The following EIF4E1B variants were observed in gnomAD, a reference collection of about 807,000 sequenced individuals.
The protein encoded by EIF4E1B is eukaryotic translation initiation factor 4E type 1B.
EIF4E1B carries 22 observed loss-of-function variants against 31.3 expected under a neutral mutation model. The ratio of observed to expected loss-of-function variants is 0.70; its 90% CI spans 0.50 to 1.00. The LOEUF (loss-of-function observed/expected upper bound fraction) is 1.00. EIF4E1B is among the 50% of genes least tolerant of loss of function. The pLI, the probability that EIF4E1B is intolerant of heterozygous loss-of-function variation, is 0.00. For synonymous variants in EIF4E1B, 126 were observed against 120.2 expected, an observed-to-expected ratio of 1.05 and a Z score of -0.31; for missense variants, 290 against 311.6, an observed-to-expected ratio of 0.93 and a Z score of 0.52.
chr5:176,633,281 G>T (rs1357263884), intron 1 of EIF4E1B, among the ~76,000 whole-genome samples: 1 of 152,204 alleles, frequency 6.6e-6, no homozygotes, highest in East Asian at 1.9e-4. Context: ...CCAGGCTGGA[G>T]TGCAGTGGCA....
chr5:176,633,354 C>T (rs1158707985), intron 1 of EIF4E1B, among the ~76,000 whole-genome samples: 1 of 152,150 alleles, frequency 6.6e-6, no homozygotes. Context: ...TCATCTCAGC[C>T]CTTTCAGTAG....
At chr5:176,642,575 GCCCCACGGCCA>G in intron 2 of EIF4E1B, 124 bp from the exon 3 acceptor site, 1 of 654,528 alleles carries the variant, frequency 1.5e-6, no homozygotes, top group South Asian at 2.3e-5. Context: ...GTGCCAGAAG[GCCCCACGGCCA>G]TGTCAGTGTC....
At chr5:176,643,459 C>T (rs1219103028) in intron 4 of EIF4E1B, among the ~76,000 whole-genome samples, 180 bp from the exon 5 acceptor site, 1 of 152,220 alleles carries the variant, frequency 6.6e-6, no homozygotes, top group African/African-American at 2.4e-5. Flanking sequence ...TCAAACACCC[C>T]CACTCCTCCC....
intron 1 of EIF4E1B, among the ~76,000 whole-genome samples, chr5:176,635,693 C>A (rs1490318941): frequency 6.6e-6 from 1 of 152,250 alleles, no homozygotes. Flanking sequence ...ATTCTTAGTA[C>A]ATGCATTTCA....
rs191105600 is a variant in EIF4E1B at position 176,641,221 on chromosome 5, C to T, written c.-201-822C>T. Reference sequence around the variant, plus strand: ...GTGCATGCCTGTAGTCCCAGCTACTCGGGAGGCTGAGGTGGGGGAATCACC... The same window carrying T: ...GTGCATGCCTGTAGTCCCAGCTACTTGGGAGGCTGAGGTGGGGGAATCACC... On this transcript the variant is annotated intron_variant, in intron 1 of 8. Transcript: ENST00000318682. Among the ~76,000 whole-genome samples the T allele has an allele frequency of 2.2e-3, 328 of 152,216 alleles. 2 individuals carry two copies. The highest frequency in any genetic ancestry group is 3.9e-3 in the Admixed American group (60 of 15,292).
rs559498564 is a variant in EIF4E1B at position 176,644,600 on chromosome 5, C to G, written c.360+161C>G. ...CTGGAGGAAATGCTCTACAGGAGCC[C>G]GGACAGAGTAGGTCAGGCCCAAGCC... On this transcript the variant is annotated intron_variant, in intron 6 of 8. Coordinates refer to ENST00000318682, the MANE Select transcript of EIF4E1B (RefSeq NM_001099408.2). 563 of 812,428 alleles carry G rather than the reference C, an allele frequency of 6.9e-4. 1 individual carries two copies. Among genetic ancestry groups the G allele is most frequent in the Non-Finnish European group, 9.5e-4 (508 of 532,558 alleles). The allele number at this position is 812,428 out of a possible 1,614,324, so 50.3% of individuals were successfully genotyped here.
At chr5:176,640,568 G>A (rs1310206349) in intron 1 of EIF4E1B, among the ~76,000 whole-genome samples, 2 of 152,044 alleles carry the variant, frequency 1.3e-5, no homozygotes, top group African/African-American at 4.8e-5. Flanking sequence ...CATCTTCTCT[G>A]CCGCCCCCTC....
intron 1 of EIF4E1B, among the ~76,000 whole-genome samples, chr5:176,639,148 ATCCCCCCGAGGAACCTGG>A (rs777020846): frequency 3.3e-5 from 5 of 152,174 alleles, no homozygotes; most frequent in Non-Finnish European, 7.4e-5. Context: ...ATTTTAAATG[ATCCCCCCGAGGAACCTGG>A]AGAACTTTCT....
intron 1 of EIF4E1B, among the ~76,000 whole-genome samples, chr5:176,635,788 T>C (rs550249672): frequency 1.3e-5 from 2 of 152,278 alleles, no homozygotes; most frequent in South Asian, 4.1e-4. Context: ...GTAAAAAGAA[T>C]ATCTGCCAGT....
In EIF4E1B at chr5:176,644,405, A is replaced by G. The variant is rs759570203; in HGVS notation, c.326A>G (p.Lys109Arg). 1.3e-6 allele frequency: 2 copies of G among 1,596,120 alleles called. No homozygotes were observed. Among genetic ancestry groups the G allele is most frequent in the East Asian group, 4.5e-5 (2 of 44,132 alleles). ...ALYSHIQLAS[K>R]LSSGCDYALF... Reference sequence around the variant, plus strand: ...TACAGTCACATCCAGCTGGCCAGCAAGCTCTCCTCTGGCTGTGACTACGCC... The same window carrying G: ...TACAGTCACATCCAGCTGGCCAGCAGGCTCTCCTCTGGCTGTGACTACGCC... The change falls in exon 6 of 9, where the codon AAG becomes AGG. Residue 109 changes from lysine to arginine, a missense_variant. Transcript: ENST00000318682.
chr5:176,634,157 G>A (rs752982790), intron 1 of EIF4E1B, among the ~76,000 whole-genome samples: 9 of 151,850 alleles, frequency 5.9e-5, no homozygotes, highest in South Asian at 2.1e-4. Flanking sequence ...GCTTGGTGGG[G>A]GGATGATGAT....
Position 176,645,275 on chromosome 5 carries a change from G to C in EIF4E1B, c.474+32G>C. On this transcript the variant is annotated intron_variant, in intron 7 of 8. Transcript: ENST00000318682. The surrounding 1 kb of genome is among the most constrained non-coding windows in gnomAD (Gnocchi z 5.4). ...TGGAGGAGGAGGGTCCTCAGGGGAA[G>C]AGACGGGCTGTGTGGGTCTCATGGT... 1 of 1,602,766 alleles carries C rather than the reference G, an allele frequency of 6.2e-7. No homozygotes were observed. Among genetic ancestry groups the C allele is most frequent in the Non-Finnish European group, 8.5e-7 (1 of 1,172,830 alleles).
intron 1 of EIF4E1B, among the ~76,000 whole-genome samples, chr5:176,639,944 G>A (rs1760548062): frequency 6.6e-6 from 1 of 152,074 alleles, no homozygotes; most frequent in African/African-American, 2.4e-5. Context: ...ACAAAATCTA[G>A]ATTCGTGAGC....
chr5:176,643,287 G>A, intron 4 of EIF4E1B, 21 bp downstream of exon 4: 3 of 1,608,762 alleles, frequency 1.9e-6, no homozygotes, highest in Non-Finnish European at 2.5e-6. Flanking sequence ...GCCTGCGAGT[G>A]GAACACAGCC....
rs765558809 is a variant in EIF4E1B, at chr5:176,643,724, G to C, written c.286G>C (p.Asp96His). The C allele has an allele frequency of 4.3e-6, 7 of 1,612,796 alleles. No homozygotes were observed. The highest frequency in any genetic ancestry group is 5.9e-6 in the Non-Finnish European group (7 of 1,179,440). The stretch of plus-strand genomic sequence containing the variant: ...GGTCACCAAGGTGGACACTGTGGAG[G>C]ACTTCTGGGCGTGAGTGTCTGTCCC... ...HLVTKVDTVE[D>H]FWALYSHIQL... Residue 96 changes from aspartate to histidine, a missense_variant, in exon 5 of 9, where the codon GAC becomes CAC. Asp to His is a moderately conservative substitution (Grantham distance 81). Coordinates refer to ENST00000318682, the MANE Select transcript of EIF4E1B (RefSeq NM_001099408.2).
Position 176,646,111 on chromosome 5 carries a change from A to G in EIF4E1B, c.*131A>G, listed in dbSNP as rs1188006896. 2 of 758,144 alleles carry G rather than the reference A, an allele frequency of 2.6e-6. No homozygotes were observed. Among genetic ancestry groups the G allele is most frequent in the African/African-American group, 1.8e-5 (1 of 56,570 alleles). 47.0% of individuals were successfully genotyped at this position (758,144 alleles called of 1,614,324 possible). ...TCCTCAAGTGAACAGGAATGCAAAC[A>G]CTCTTTAACATGAGTTGGGGCCTGA... On this transcript the variant is annotated 3_prime_UTR_variant, in exon 9 of 9. Coordinates refer to ENST00000318682, the MANE Select transcript of EIF4E1B (RefSeq NM_001099408.2).
rs1760704351 is a variant in EIF4E1B at position 176,646,132 on chromosome 5, C to T, written c.*152C>T. Reference sequence around the variant, plus strand: ...AAACACTCTTTAACATGAGTTGGGGCCTGAGCCTTAGGGGCTAGATGGGGG... The same window carrying T: ...AAACACTCTTTAACATGAGTTGGGGTCTGAGCCTTAGGGGCTAGATGGGGG... On this transcript the variant is annotated 3_prime_UTR_variant, in exon 9 of 9. Transcript: ENST00000318682. 4 of 685,076 alleles carry T rather than the reference C, an allele frequency of 5.8e-6. No individual in the cohort carries two copies. The South Asian group carries it at 7.7e-5, about 13-fold the overall frequency. The allele number at this position is 685,076 out of a possible 1,614,324, so 42.4% of individuals were successfully genotyped here.
chr5:176,644,002 CCT>C (rs1760645670), intron 5 of EIF4E1B: 3 of 563,746 alleles, frequency 5.3e-6, no homozygotes, highest in Non-Finnish European at 9.4e-6. Context: ...AGTTCCTTCC[CCT>C]CTCTGAACCT....
intron 1 of EIF4E1B, among the ~76,000 whole-genome samples, chr5:176,641,234 TG>T (rs1440685778): frequency 3.3e-5 from 5 of 151,906 alleles, no homozygotes; most frequent in Non-Finnish European, 7.4e-5. Context: ...GAGGCTGAGG[TG>T]GGGGAATCAC....
Sources: allele counts gnomAD v4.1 joint callset (sites outside exome capture counted in the v4.1 genomes callset), GRCh38; gene constraint gnomAD v4.1.1; non-coding constraint Gnocchi (gnomAD v3.1); transcripts MANE v1.5; gene names NCBI Gene and HGNC (gene_info 2026-07-23, HGNC 2026-07-21).